DPYSL2: variants seen among roughly 807,000 people sequenced by gnomAD.
DPYSL2 encodes dihydropyrimidinase-related protein 2.
DPYSL2 carries 13 observed loss-of-function variants against 69.9 expected under a neutral mutation model. The ratio of observed to expected loss-of-function variants is 0.19; its 90% confidence interval spans 0.12 to 0.30. The LOEUF is 0.30. DPYSL2 is among the 10% of genes least tolerant of loss of function. The pLI, the probability that DPYSL2 is intolerant of heterozygous loss-of-function variation, is 1.00. For missense variants in DPYSL2, 587 were observed against 918.9 expected (o/e 0.64, Z 4.67); for synonymous variants, 326 against 359.1 (o/e 0.91, Z 1.04).
At position 26,598,895 on chromosome 8, in the gene DPYSL2, C is replaced by T. The variant is rs1192191596; in HGVS notation, c.628+14912C>T. On this transcript the variant is annotated intron_variant, in intron 3 of 13. Coordinates refer to ENST00000521913, the MANE Select transcript of DPYSL2 (RefSeq NM_001197293.3). This position sits in a 1 kb window ranked among gnomAD's most constrained non-coding sequence, Gnocchi z 4.2. ...GGGCAGGACGGGGGCTGCTTCTGTGCCTTTTCCCCACTGTGCGTATTCTTA... is the reference window on the plus strand; with the variant it reads ...GGGCAGGACGGGGGCTGCTTCTGTGTCTTTTCCCCACTGTGCGTATTCTTA... 2.6e-5 allele frequency among the ~76,000 whole-genome samples: 4 copies of T among 152,332 alleles called. No homozygotes were observed. The highest frequency in any genetic ancestry group is 5.9e-5 in the Non-Finnish European group (4 of 68,030).
rs761850266 is a variant in DPYSL2, at chr8:26,644,029, C to T, written c.1363C>T (p.Leu455=). The change falls in exon 10 of 14, where the codon CTG becomes TTG. Residue 455 remains leucine, a synonymous_variant. Transcript: ENST00000521913. The surrounding 1 kb of genome is among the most constrained non-coding windows in gnomAD (Gnocchi z 4.5). ...GGCTGTAGGAAAGGACAACTTCACC[C>T]TGATTCCGGAGGGCACCAATGGCAC... The part of the protein sequence containing the change: ...QKAVGKDNFT[L]IPEGTNGTEE... The T allele has an allele frequency of 3.1e-6, 5 of 1,614,252 alleles. No homozygotes were observed. The South Asian group carries it at 5.5e-5, about 18-fold the overall frequency.
At chr8:26,623,867 C>T (rs959154380) in intron 3 of DPYSL2, 4 of 367,328 alleles carry the variant, frequency 1.1e-5, no homozygotes, top group Middle Eastern at 7.8e-4. Flanking sequence ...TGAAATGCAC[C>T]CAAAGCTTGA....
chr8:26,535,616 GATATAT>G (rs542036370), intron 1 of DPYSL2, among the ~76,000 whole-genome samples: 1 of 147,900 alleles, frequency 6.8e-6, no homozygotes, highest in Non-Finnish European at 1.5e-5. Flanking sequence ...AAAACAGACT[GATATAT>G]ATATATATAT....
intron 1 of DPYSL2, among the ~76,000 whole-genome samples, chr8:26,555,800 T>C (rs1024574390): frequency 6.7e-6 from 1 of 150,154 alleles, no homozygotes; most frequent in Non-Finnish European, 1.5e-5. Context: ...GTTGGAAAGA[T>C]TGCTTGAGCC....
At chr8:26,577,940 CTTTTA>C in intron 1 of DPYSL2, 1 of 1,211,604 alleles carries the variant, frequency 8.3e-7, no homozygotes, top group Non-Finnish European at 1.0e-6. Context: ...TGAACCGAGG[CTTTTA>C]TTGCTGTAGT....
intron 1 of DPYSL2, among the ~76,000 whole-genome samples, chr8:26,536,717 A>C (rs917548547): frequency 6.6e-6 from 1 of 152,194 alleles, no homozygotes; most frequent in Admixed American, 6.6e-5. Flanking sequence ...TTAGGTGGGC[A>C]TGACATGAAT....
rs549460357 is a variant in DPYSL2, at chr8:26,572,540, C to T, written c.355-9429C>T. 1.5e-4 allele frequency among the ~76,000 whole-genome samples: 23 copies of T among 152,242 alleles called. No homozygotes were observed. The South Asian group carries it at 4.8e-3, about 32-fold the overall frequency. On this transcript the variant is annotated intron_variant, in intron 1 of 13. Transcript: ENST00000521913. The stretch of plus-strand genomic sequence containing the variant: ...TTTGAGAAGGAATCTCGCCCTTTCA[C>T]CCAAGCTGGAGTGCAGTGACGCAAT...
chr8:26,627,878 C>G lies in DPYSL2; in HGVS notation c.943C>G (p.Gln315Glu). ...CTTTCTCTAAACATTGCAGGAGCAGCAGAGGATCCTGGATCTGGGCATCAC... is the reference window on the plus strand; with the variant it reads ...CTTTCTCTAAACATTGCAGGAGCAGGAGAGGATCCTGGATCTGGGCATCAC... ...ENGDIIAEEQ[Q>E]RILDLGITGP... The change falls in exon 7 of 14, where the codon CAG becomes GAG. Residue 315 changes from glutamine to glutamate, a missense_variant. Gln to Glu is a conservative substitution (Grantham distance 29). Transcript: ENST00000521913. The surrounding 1 kb of genome is among the most constrained non-coding windows in gnomAD (Gnocchi z 6.9). 6.2e-7 allele frequency: 1 copy of G among 1,613,798 alleles called. No individual in the cohort carries two copies. Among genetic ancestry groups the G allele is most frequent in the South Asian group, 1.1e-5 (1 of 90,980 alleles).
At chr8:26,574,342 G>A (rs1801290415) in intron 1 of DPYSL2, among the ~76,000 whole-genome samples, 1 of 152,170 alleles carries the variant, frequency 6.6e-6, no homozygotes, top group Non-Finnish European at 1.5e-5. Context: ...CCAGGGAGGG[G>A]AGTTGAAGCT....
intron 3 of DPYSL2, among the ~76,000 whole-genome samples, chr8:26,613,861 G>T (rs1197404296): frequency 1.3e-5 from 2 of 152,208 alleles, no homozygotes; most frequent in African/African-American, 4.8e-5. Flanking sequence ...GTGGGGCATG[G>T]TAGCTCATGC....
chr8:26,576,857 C>T (rs1422301885), intron 1 of DPYSL2, among the ~76,000 whole-genome samples: 1 of 152,236 alleles, frequency 6.6e-6, no homozygotes, highest in African/African-American at 2.4e-5. Context: ...CTCAGGACCC[C>T]GGGGCGCTGG....
At chr8:26,578,616 C>G in intron 1 of DPYSL2, 1 of 1,223,844 alleles carries the variant, frequency 8.2e-7, no homozygotes, top group South Asian at 2.0e-5. Flanking sequence ...CAAATGGATG[C>G]CAGATTGAAT....
chr8:26,531,846 G>A (rs1800514765), intron 1 of DPYSL2, among the ~76,000 whole-genome samples: 2 of 152,112 alleles, frequency 1.3e-5, no homozygotes, highest in East Asian at 1.9e-4. Context: ...GTTGGGCTTA[G>A]GTGCCGGTCT....
chr8:26,529,307 T>TATC (rs1406580817), intron 1 of DPYSL2, among the ~76,000 whole-genome samples: 4 of 151,718 alleles, frequency 2.6e-5, no homozygotes, highest in African/African-American at 7.3e-5. Flanking sequence ...ATCTATCATC[T>TATC]ATCTATCTAT....
In DPYSL2 at chr8:26,609,891, G is replaced by A. The variant is rs1802189905; in HGVS notation, c.629-14252G>A. ...GGGAAGTGTCTGTTTCCTTAAAACA[G>A]CCTTTCCTCAAACCCAGGAAGTGAA... is the stretch of plus-strand genomic sequence containing the variant. On this transcript the variant is annotated intron_variant, in intron 3 of 13. Coordinates refer to ENST00000521913, the MANE Select transcript of DPYSL2 (RefSeq NM_001197293.3). This position sits in a 1 kb window ranked among gnomAD's most constrained non-coding sequence, Gnocchi z 6.5. Among the ~76,000 whole-genome samples, 2 of 152,212 alleles carry A rather than the reference G, an allele frequency of 1.3e-5. No homozygotes were observed. The highest frequency in any genetic ancestry group is 1.3e-4 in the Admixed American group (2 of 15,286).
chr8:26,636,895 T>A (rs1802932628), intron 8 of DPYSL2, among the ~76,000 whole-genome samples: 1 of 151,976 alleles, frequency 6.6e-6, no homozygotes, highest in Non-Finnish European at 1.5e-5. Context: ...CGCCCCCCCA[T>A]CACACCCATC....
chr8:26,548,887 A>G (rs1800826444), intron 1 of DPYSL2, among the ~76,000 whole-genome samples: 1 of 151,734 alleles, frequency 6.6e-6, no homozygotes, highest in Non-Finnish European at 1.5e-5. Context: ...CAAAAACAAA[A>G]CCAAACCAAA....
At position 26,521,499 on chromosome 8, in the gene DPYSL2, A is replaced by G. The variant is rs527878644; in HGVS notation, c.354+6820A>G. Among the ~76,000 whole-genome samples, 3 of 151,358 alleles carry G rather than the reference A, an allele frequency of 2.0e-5. No homozygotes were observed. The South Asian group carries it at 6.3e-4, about 32-fold the overall frequency. ...TCTTTTTTTTTTTTTCTTATAATCG[A>G]GGCAAAATTGACTTAACATAAAATT... On this transcript the variant is annotated intron_variant, in intron 1 of 13. Transcript: ENST00000521913.
intron 1 of DPYSL2, among the ~76,000 whole-genome samples, chr8:26,545,634 G>A (rs1800754636): frequency 6.6e-6 from 1 of 152,072 alleles, no homozygotes; most frequent in Non-Finnish European, 1.5e-5. Context: ...GGGCATGGTG[G>A]CATGCACCTG....
Sources: gnomAD v4.1 joint callset for allele counts (sites outside exome capture counted in the v4.1 genomes callset) on GRCh38, gnomAD v4.1.1 for gene constraint, Gnocchi (gnomAD v3.1) non-coding constraint, MANE v1.5 for transcripts, NCBI Gene and HGNC (gene_info 2026-07-23, HGNC 2026-07-21) for gene names.